CNIH3: variants seen among roughly 807,000 people sequenced by gnomAD.
The protein encoded by CNIH3 is cornichon family AMPA receptor auxiliary protein 3.
In CNIH3, 14 loss-of-function variants were observed where a neutral mutation model predicts 24.1. That is an observed-to-expected ratio of 0.58 (90% confidence interval 0.38 to 0.91). The LOEUF (loss-of-function observed/expected upper bound fraction) is 0.91, where lower values mean the gene tolerates loss of function less well. Ranked by LOEUF, CNIH3 falls within the 40% of genes least tolerant of loss-of-function variation. The pLI is 0.00. For missense variants in CNIH3, 178 were observed against 196.8 expected, an observed-to-expected ratio of 0.90 and a Z score of 0.57; for synonymous variants, 68 against 73.8, an observed-to-expected ratio of 0.92 and a Z score of 0.40.
At chr1:224,525,062 A>T (rs774322151) in intron 2 of CNIH3, among the ~76,000 whole-genome samples, 2 of 152,200 alleles carry the variant, frequency 1.3e-5, no homozygotes, top group Non-Finnish European at 2.9e-5. Flanking sequence ...GCAGGAAAAA[A>T]AGAGAGACCA....
rs563809821 is a variant in CNIH3 at position 224,616,397 on chromosome 1, C to T, written c.-778C>T. 287 of 910,742 alleles carry T rather than the reference C, an allele frequency of 3.2e-4. 2 individuals are homozygous for T. Among genetic ancestry groups the T allele is most frequent in the African/African-American group, 1.0e-3 (58 of 55,624 alleles). 56.4% of individuals were successfully genotyped at this position (910,742 alleles called of 1,614,324 possible). ...GCTACAGCGTTTGGCCTGAAACCCACTGCTGCAGCCACCCGGGCTGGAGTT... is the reference window on the plus strand; with the variant it reads ...GCTACAGCGTTTGGCCTGAAACCCATTGCTGCAGCCACCCGGGCTGGAGTT... On this transcript the variant is annotated 5_prime_UTR_variant, in exon 1 of 6. Transcript: ENST00000272133.
intron 1 of CNIH3, among the ~76,000 whole-genome samples, chr1:224,501,824 A>G (rs1397779016): frequency 2.0e-5 from 3 of 151,860 alleles, no homozygotes; most frequent in African/African-American, 7.3e-5. Flanking sequence ...CAGGCAATCC[A>G]CCTGCCTCGG....
downstream of CNIH3, among the ~76,000 whole-genome samples, chr1:224,593,429 T>G (rs1681847986): frequency 6.6e-6 from 1 of 152,162 alleles, no homozygotes; most frequent in Admixed American, 6.6e-5. Flanking sequence ...CTACTACACA[T>G]CTGCGGGGCA....
At chr1:224,441,876 T>G (rs532884280) in intron 1 of CNIH3, among the ~76,000 whole-genome samples, 179 of 152,274 alleles carry the variant, frequency 1.2e-3, no homozygotes, top group Middle Eastern at 3.4e-3. Context: ...TTTAAAAAAT[T>G]TATTGAATGA....
At position 224,587,593 on chromosome 1, in the gene CNIH3, T is replaced by C. The variant is rs577698918; in HGVS notation, n.621-768T>C. ...CTAGAAGAGCCTGGGCTACTTTTTATTGAAAAATTTAAGATCTGTGTGGTG... is the reference window on the plus strand; with the variant it reads ...CTAGAAGAGCCTGGGCTACTTTTTACTGAAAAATTTAAGATCTGTGTGGTG... On this transcript the variant is annotated intron_variant and non_coding_transcript_variant, in intron 5 of 5. Transcript: ENST00000471578. Among the ~76,000 whole-genome samples the C allele has an allele frequency of 3.3e-5, 5 of 152,326 alleles. No homozygotes were observed. The South Asian group carries it at 8.3e-4, about 25-fold the overall frequency.
chr1:224,532,828 A>C (rs1168598672), intron 2 of CNIH3, among the ~76,000 whole-genome samples: 1 of 152,200 alleles, frequency 6.6e-6, no homozygotes, highest in Non-Finnish European at 1.5e-5. Context: ...ACTGTTTCGC[A>C]GCTTTATGTG....
chr1:224,533,363 G>A (rs1354432962), intron 2 of CNIH3, among the ~76,000 whole-genome samples: 1 of 146,582 alleles, frequency 6.8e-6, no homozygotes, highest in Non-Finnish European at 1.5e-5. Flanking sequence ...ATTACAATGA[G>A]CTCTGAAGAG....
At chr1:224,573,475 C>T (rs761045232) in intron 4 of CNIH3, among the ~76,000 whole-genome samples, 5 of 152,052 alleles carry the variant, frequency 3.3e-5, no homozygotes, top group Non-Finnish European at 5.9e-5. Flanking sequence ...GTGTGCTACT[C>T]GGAGATCTTC....
chr1:224,612,616 T>A (rs1389958129), upstream of CNIH3, among the ~76,000 whole-genome samples: 1 of 152,212 alleles, frequency 6.6e-6, no homozygotes, highest in Non-Finnish European at 1.5e-5. This position sits in a 1 kb window ranked among gnomAD's most constrained non-coding sequence, Gnocchi z 4.7. Context: ...ATTAAGGTAA[T>A]CCTGGAGCAC....
chr1:224,642,605 C>A (rs1684414536), intron 1 of CNIH3, among the ~76,000 whole-genome samples: 1 of 152,142 alleles, frequency 6.6e-6, no homozygotes, highest in Non-Finnish European at 1.5e-5. Flanking sequence ...CGGACTGATT[C>A]CAGGCAGTCT....
intron 1 of CNIH3, among the ~76,000 whole-genome samples, chr1:224,496,063 C>T (rs945142980): frequency 1.3e-5 from 2 of 152,176 alleles, no homozygotes; most frequent in East Asian, 1.9e-4. Context: ...CATGTAGTGG[C>T]AGAGACTCAG....
intron 5 of CNIH3, among the ~76,000 whole-genome samples, chr1:224,738,909 T>C (rs1020820411): frequency 7.9e-5 from 12 of 152,150 alleles, no homozygotes; most frequent in African/African-American, 1.7e-4. Flanking sequence ...CACTACCGTA[T>C]TATCCAGCAT....
intron 1 of CNIH3, among the ~76,000 whole-genome samples, chr1:224,465,162 T>G (rs1490732775): frequency 6.6e-6 from 1 of 150,968 alleles, no homozygotes; most frequent in Non-Finnish European, 1.5e-5. Flanking sequence ...CAGGCTGGAG[T>G]GCAATGGCAC....
chr1:224,494,649 CT>C (rs1333246506), intron 1 of CNIH3, among the ~76,000 whole-genome samples: 1 of 152,080 alleles, frequency 6.6e-6, no homozygotes, highest in African/African-American at 2.4e-5. Context: ...TTCGGGGTTC[CT>C]TTTGCAGCCA....
intron 1 of CNIH3, among the ~76,000 whole-genome samples, chr1:224,485,691 C>T (rs966275690): frequency 6.6e-6 from 1 of 152,198 alleles, no homozygotes; most frequent in Non-Finnish European, 1.5e-5. Context: ...TAGAATCTCA[C>T]TATGTTGTGC....
intron 3 of CNIH3, among the ~76,000 whole-genome samples, chr1:224,562,407 G>A (rs915815957): frequency 4.6e-5 from 7 of 152,208 alleles, no homozygotes; most frequent in African/African-American, 1.7e-4. Context: ...GAGATGATGT[G>A]TGGTGGAAGA....
intron 1 of CNIH3, among the ~76,000 whole-genome samples, chr1:224,672,532 C>T (rs1206571262): frequency 6.6e-6 from 1 of 152,190 alleles, no homozygotes; most frequent in Non-Finnish European, 1.5e-5. Flanking sequence ...GAGAATCCTT[C>T]CTCACCTCTT....
intron 1 of CNIH3, among the ~76,000 whole-genome samples, chr1:224,662,739 G>A (rs1326014176): frequency 6.6e-6 from 1 of 152,096 alleles, no homozygotes; most frequent in Admixed American, 6.6e-5. Context: ...ATGATATCCA[G>A]ACACATATGT....
In CNIH3 at chr1:224,660,210, C is replaced by A. The variant is rs559598996; in HGVS notation, c.82-20748C>A. ...TTACAGTTCCACGTGGCTGGGGAAG[C>A]CTTACAATCACGGTGGAAGACAAGG... On this transcript the variant is annotated intron_variant, in intron 1 of 5. Coordinates refer to ENST00000272133, the MANE Select transcript of CNIH3 (RefSeq NM_152495.2). Among the ~76,000 whole-genome samples, 4 of 152,266 alleles carry A rather than the reference C, an allele frequency of 2.6e-5. No homozygotes were observed. In the South Asian group the frequency reaches 6.2e-4, roughly 24 times the overall value.
Sources: allele counts gnomAD v4.1 joint callset (sites outside exome capture counted in the v4.1 genomes callset), GRCh38; gene constraint gnomAD v4.1.1; non-coding constraint Gnocchi (gnomAD v3.1); transcripts MANE v1.5; gene names NCBI Gene and HGNC (gene_info 2026-07-23, HGNC 2026-07-21).